USP47: variants seen among roughly 807,000 people sequenced by gnomAD.
USP47 encodes ubiquitin carboxyl-terminal hydrolase 47.
In USP47, 35 loss-of-function variants were observed where a neutral mutation model predicts 165.1. That is an observed-to-expected ratio of 0.21 (90% confidence interval 0.16 to 0.28). USP47 has a LOEUF of 0.28. Ranked by LOEUF, USP47 falls within the 10% of genes least tolerant of loss-of-function variation. The pLI is 1.00. For missense variants in USP47, 1,277 were observed against 1,607.4 expected (o/e 0.79, Z 3.52); for synonymous variants, 531 against 544.5 (o/e 0.98, Z 0.35).
chr11:11,870,141 A>G (rs1372791511), intron 1 of USP47, among the ~76,000 whole-genome samples: 1 of 138,192 alleles, frequency 7.2e-6, no homozygotes, highest in Non-Finnish European at 1.6e-5. Context: ...GTCTATTTTG[A>G]TTAATTTATA....
intron 7 of USP47, among the ~76,000 whole-genome samples, chr11:11,904,746 T>C (rs1852438353): frequency 6.6e-6 from 1 of 152,116 alleles, no homozygotes; most frequent in Admixed American, 6.6e-5. Context: ...AGGTGAGAGA[T>C]CCATTCTTTT....
At position 11,920,166 on chromosome 11, in the gene USP47, T is replaced by C; in HGVS notation, c.980T>C (p.Leu327Ser). The stretch of plus-strand genomic sequence containing the variant: ...TTTTTTTCTAACTAGGAAGAAGCAT[T>C]GCATGCATTTATTCAGCCAGAGATT... Reference protein sequence around the residue: ...SQAFASVEEALHAFIQPEILD... With the variant: ...SQAFASVEEASHAFIQPEILD... The change falls in exon 9 of 28, where the codon TTG (leucine) becomes TCG (serine). Residue 327 changes from leucine (L) to serine (S), a missense_variant. Transcript: ENST00000527733. 1 of 1,593,026 alleles carries C rather than the reference T, an allele frequency of 6.3e-7. No homozygotes were observed. The highest frequency in any genetic ancestry group is 1.3e-5 in the African/African-American group (1 of 74,154).
chr11:11,910,879 T>C (rs1373826040), intron 8 of USP47, among the ~76,000 whole-genome samples: 1 of 152,010 alleles, frequency 6.6e-6, no homozygotes, highest in Non-Finnish European at 1.5e-5. Flanking sequence ...CAAATCTCAG[T>C]TTGAGTTAAA....
chr11:11,932,180 G>A (rs934632186), intron 14 of USP47, among the ~76,000 whole-genome samples: 8 of 152,060 alleles, frequency 5.3e-5, no homozygotes, highest in African/African-American at 1.2e-4. Flanking sequence ...AGCAAGTTCC[G>A]GGGTTGGGGG....
At position 11,960,382 on chromosome 11, in the gene USP47, ACCCAACT is replaced by A. The variant is rs769728421; in HGVS notation, c.*4210_*4216del. On this transcript the variant is annotated 3_prime_UTR_variant, in exon 28 of 28. Coordinates refer to ENST00000527733, the MANE Select transcript of USP47 (RefSeq NM_001282659.2). ...GCCCTGCAGGTCCTATCAGCAAAGG[ACCCAACT>A]CCTAACAGCATTGGTGCTCCCTCAT... 4.4e-4 allele frequency among the ~76,000 whole-genome samples: 67 copies of A among 152,080 alleles called. No individual in the cohort carries two copies. Among genetic ancestry groups the A allele is most frequent in the Non-Finnish European group, 8.7e-4 (59 of 68,024 alleles).
chr11:11,861,126 G>A (rs901120529), intron 1 of USP47, among the ~76,000 whole-genome samples: 9 of 151,824 alleles, frequency 5.9e-5, no homozygotes, highest in African/African-American at 1.7e-4. Flanking sequence ...ACGGAGTCCC[G>A]CTCTGTCGCC....
rs552777331 is a variant in USP47 at position 11,889,330 on chromosome 11, A to G, written c.358-2638A>G. ...TCGTCTTATGATGTATTTTCATAAA[A>G]TCAGCTTAAGCTGATAAGCAACTTC... On this transcript the variant is annotated intron_variant, in intron 3 of 27. Transcript: ENST00000527733. Among the ~76,000 whole-genome samples the G allele has an allele frequency of 6.6e-5, 10 of 152,286 alleles. No individual in the cohort carries two copies. The South Asian group carries it at 2.1e-3, about 32-fold the overall frequency.
intron 24 of USP47, chr11:11,951,140 AC>A (rs1271474265): frequency 6.6e-6 from 1 of 152,228 alleles, no homozygotes; most frequent in African/African-American, 2.4e-5. Context: ...ATCATTGGCA[AC>A]CTTGGCTTGT....
At position 11,942,514 on chromosome 11, in the gene USP47, T is replaced by TGTG. The variant is rs918731791; in HGVS notation, c.2495_2497dup (p.Val832dup). Reference sequence around the variant, plus strand: ...AGAAAGCTGGAGGCGATTCTGGTAATGTGGATGATGACTGTGAAAGAGTCA... The same window carrying TGTG: ...AGAAAGCTGGAGGCGATTCTGGTAATGTGGTGGATGATGACTGTGAAAGAGTCA... On this transcript the variant is annotated inframe_insertion, in exon 20 of 28. Coordinates refer to ENST00000527733, the MANE Select transcript of USP47 (RefSeq NM_001282659.2). 1.9e-6 allele frequency: 3 copies of TGTG among 1,613,436 alleles called. No individual in the cohort carries two copies. In the African/African-American group the frequency reaches 4.0e-5, roughly 22 times the overall value.
In USP47 at chr11:11,957,515, C is replaced by T; in HGVS notation, c.*1340C>T. 1 of 152,542 alleles carries T rather than the reference C, an allele frequency of 6.6e-6. No homozygotes were observed. The highest frequency in any genetic ancestry group is 1.9e-4 in the East Asian group (1 of 5,206). The allele number at this position is 152,542 out of a possible 1,614,324, so 9.4% of individuals were successfully genotyped here. ...CATGCCAATAAAACATTTGTTCATT[C>T]TGTTGTGTTATTTTAGTCATTAAAC... On this transcript the variant is annotated 3_prime_UTR_variant, in exon 28 of 28. Transcript: ENST00000527733.
chr11:11,952,966 G>C (rs1451954485), intron 25 of USP47, 95 bp downstream of exon 25: 15 of 1,005,752 alleles, frequency 1.5e-5, no homozygotes, highest in African/African-American at 3.4e-5. Flanking sequence ...CATTCTTCCT[G>C]TGTTGCGTAA....
chr11:11,892,498 C>A (rs1195006052), intron 4 of USP47, among the ~76,000 whole-genome samples: 1 of 150,468 alleles, frequency 6.6e-6, no homozygotes. Flanking sequence ...CCTCCCACCT[C>A]AGTCCCCTGA....
At chr11:11,864,454 C>T (rs1330538812) in intron 1 of USP47, among the ~76,000 whole-genome samples, 1 of 152,052 alleles carries the variant, frequency 6.6e-6, no homozygotes, top group African/African-American at 2.4e-5. Flanking sequence ...TATTGTTGTA[C>T]TACCATCACC....
chr11:11,958,207 T>C lies in USP47; in HGVS notation c.*2032T>C, dbSNP rs903761821. On this transcript the variant is annotated 3_prime_UTR_variant, in exon 28 of 28. Coordinates refer to ENST00000527733, the MANE Select transcript of USP47 (RefSeq NM_001282659.2). ...GTTTGGTTTAGTATTCCTATGAGCG[T>C]AAATGGTAAAATTCTTCTGATACCC... The C allele has an allele frequency of 2.0e-5, 3 of 152,220 alleles. No individual in the cohort carries two copies. Among genetic ancestry groups the C allele is most frequent in the African/African-American group, 4.8e-5 (2 of 41,458 alleles). The allele number at this position is 152,220 out of a possible 1,614,324, so 9.4% of individuals were successfully genotyped here.
At chr11:11,913,168 GAA>G (rs1294932830) in intron 8 of USP47, among the ~76,000 whole-genome samples, 2 of 135,932 alleles carry the variant, frequency 1.5e-5, no homozygotes, top group Non-Finnish European at 3.2e-5. Flanking sequence ...AGTAAGGTAA[GAA>G]GAGGAAATGA....
In USP47 at chr11:11,936,406, C is replaced by A. The variant is rs1359047924; in HGVS notation, c.1973C>A (p.Thr658Lys). 3 of 1,610,370 alleles carry A rather than the reference C, an allele frequency of 1.9e-6. No individual in the cohort carries two copies. Among genetic ancestry groups the A allele is most frequent in the Non-Finnish European group, 2.5e-6 (3 of 1,177,578 alleles). Residue 658 changes from threonine (T) to lysine (K), a missense_variant, in exon 17 of 28, where the codon ACA (threonine) becomes AAA (lysine). Around this residue, in one of 4 missense-constraint regions of USP47, gnomAD observed 909 missense variants for 1,068.1 expected, o/e 0.85. Coordinates refer to ENST00000527733, the MANE Select transcript of USP47 (RefSeq NM_001282659.2). ...CGGTCATATGAAGGAGAAGAAGATA[C>A]ACCAATGGGGCTTCTACTAGGTGGC... is the stretch of plus-strand genomic sequence containing the variant. ...LERSYEGEEDTPMGLLLGGVK... is the reference protein window; with the variant it reads ...LERSYEGEEDKPMGLLLGGVK...
intron 8 of USP47, among the ~76,000 whole-genome samples, chr11:11,908,111 A>G (rs1852701072): frequency 6.6e-6 from 1 of 152,154 alleles, no homozygotes; most frequent in Non-Finnish European, 1.5e-5. Flanking sequence ...AAAGATATAG[A>G]TGTAGACATA....
chr11:11,860,158 T>C (rs1275048559), intron 1 of USP47, among the ~76,000 whole-genome samples: 1 of 151,208 alleles, frequency 6.6e-6, no homozygotes, highest in African/African-American at 2.5e-5. Context: ...TTTATTTATT[T>C]ATTTTTTTGA....
In USP47 at chr11:11,854,865, A is replaced by G. The variant is rs545318458; in HGVS notation, c.39+12641A>G. The stretch of plus-strand genomic sequence containing the variant: ...TCCCAGCACTTTGGGAGGCTGAAGC[A>G]GGCGGATCACGAGGTCAGGAGATCG... On this transcript the variant is annotated intron_variant, in intron 1 of 27. Coordinates refer to ENST00000527733, the MANE Select transcript of USP47 (RefSeq NM_001282659.2). Among the ~76,000 whole-genome samples the G allele has an allele frequency of 6.5e-4, 95 of 147,034 alleles. 13 individuals carry two copies. The highest frequency in any genetic ancestry group is 5.2e-4 in the Non-Finnish European group (34 of 65,558).
Sources: gnomAD v4.1 joint callset for allele counts (sites outside exome capture counted in the v4.1 genomes callset) on GRCh38, gnomAD v4.1.1 for gene constraint, gnomAD v4.1.1 regional missense constraint, MANE v1.5 for transcripts, NCBI Gene and HGNC (gene_info 2026-07-23, HGNC 2026-07-21) for gene names.